The following ITGB3BP variants were observed in gnomAD, a reference collection of about 807,000 sequenced individuals.
The protein encoded by ITGB3BP is centromere protein R.
ITGB3BP carries 27 observed loss-of-function variants against 29.1 expected under a neutral mutation model. The observed-to-expected ratio is 0.93, with a 90% confidence interval of 0.68 to 1.28. The LOEUF is 1.28. Among genes scored for constraint, ITGB3BP ranks in the 50% most tolerant of loss-of-function variants. ITGB3BP has a pLI of 0.00. For synonymous variants in ITGB3BP, 61 were observed against 61.4 expected (o/e 0.99, Z 0.03); for missense variants, 192 against 200.2 (o/e 0.96, Z 0.25).
intron 4 of ITGB3BP, among the ~76,000 whole-genome samples, chr1:63,473,362 C>T (rs1248246726): frequency 1.1e-4 from 16 of 149,804 alleles, no homozygotes; most frequent in South Asian, 8.5e-4. Context: ...GTCAGCCCCC[C>T]GCCCGGCCAG....
At chr1:63,460,029 T>A (rs564667834) in intron 4 of ITGB3BP, among the ~76,000 whole-genome samples, 2 of 149,976 alleles carry the variant, frequency 1.3e-5, no homozygotes, top group Non-Finnish European at 3.0e-5. Flanking sequence ...AAAAAAAAAT[T>A]CCCCCCCGTG....
intron 2 of ITGB3BP, among the ~76,000 whole-genome samples, chr1:63,501,070 G>A (rs1200326418): frequency 6.6e-6 from 1 of 152,144 alleles, no homozygotes; most frequent in African/African-American, 2.4e-5. Flanking sequence ...AAAAATAGTC[G>A]TTTCAGCAAA....
In ITGB3BP at chr1:63,518,193, T is replaced by C. The variant is rs539380224; in HGVS notation, c.5+4936A>G. Among the ~76,000 whole-genome samples, 3 of 152,314 alleles carry C rather than the reference T, an allele frequency of 2.0e-5. No homozygotes were observed. The South Asian group carries it at 6.2e-4, about 32-fold the overall frequency. On this transcript the variant is annotated intron_variant, in intron 1 of 8. Transcript: ENST00000271002. ...TGAGAAGTTGCCTCCTATTCCTAGT[T>C]TGCTGAGGGTTTTATTTTCTCACGA...
intron 2 of ITGB3BP, among the ~76,000 whole-genome samples, chr1:63,493,766 C>T (rs1187871365): frequency 6.6e-6 from 1 of 152,154 alleles, no homozygotes; most frequent in Non-Finnish European, 1.5e-5. Context: ...AAAGTGCCTA[C>T]ATTTTACTGA....
chr1:63,478,896 G>A, intron 3 of ITGB3BP, 63 bp from the exon 4 acceptor site: 1 of 588,672 alleles, frequency 1.7e-6, no homozygotes, highest in Non-Finnish European at 2.8e-6. Flanking sequence ...ATTTTAAATA[G>A]AATTTAGTTT....
At chr1:63,484,256 G>C (rs78741543) in intron 3 of ITGB3BP, among the ~76,000 whole-genome samples, 3,251 of 151,868 alleles carry the variant, frequency 0.021, 124 homozygotes, top group African/African-American at 0.074. Context: ...AAGTATATAG[G>C]AGGGTGTATT....
chr1:63,448,157 C>T (rs1220729607), intron 7 of ITGB3BP, among the ~76,000 whole-genome samples: 9 of 116,794 alleles, frequency 7.7e-5, no homozygotes, highest in Admixed American at 2.4e-4. Context: ...GGAAGGGGAA[C>T]ATCACACTCT....
At chr1:63,511,310 A>G (rs1319000863) in intron 1 of ITGB3BP, among the ~76,000 whole-genome samples, 1 of 152,152 alleles carries the variant, frequency 6.6e-6, no homozygotes, top group Non-Finnish European at 1.5e-5. Flanking sequence ...GTTGGTGAGG[A>G]TGTAGAGAAA....
rs1049999430 is a variant in ITGB3BP, at chr1:63,515,697, A to G, written c.6-7127T>C. On this transcript the variant is annotated intron_variant, in intron 1 of 8. Coordinates refer to ENST00000271002, the MANE Select transcript of ITGB3BP (RefSeq NM_014288.5). ...AAAAATTAGCCAGGCATGGTGGTGC[A>G]TGCTTGTAGTCCCAGCTACTCAGGA... 3.3e-5 allele frequency among the ~76,000 whole-genome samples: 5 copies of G among 151,536 alleles called. No individual in the cohort carries two copies. The East Asian group carries it at 7.8e-4, about 24-fold the overall frequency.
At chr1:63,507,349 C>CA (rs1557651377) in intron 2 of ITGB3BP, among the ~76,000 whole-genome samples, 1 of 152,188 alleles carries the variant, frequency 6.6e-6, no homozygotes, top group Non-Finnish European at 1.5e-5. Flanking sequence ...GCTACCTTGA[C>CA]ACATCTTCAT....
chr1:63,460,339 CCTTT>C (rs1301186967), intron 4 of ITGB3BP, among the ~76,000 whole-genome samples: 1 of 152,184 alleles, frequency 6.6e-6, no homozygotes, highest in African/African-American at 2.4e-5. Context: ...CCTTTAATCT[CCTTT>C]CTATCTCTTT....
At chr1:63,494,331 T>C (rs889779337) in intron 2 of ITGB3BP, among the ~76,000 whole-genome samples, 22 of 152,110 alleles carry the variant, frequency 1.4e-4, no homozygotes, top group African/African-American at 5.3e-4. Context: ...GTTCACCAGG[T>C]TGGTCTCCAA....
At chr1:63,523,434 C>T, upstream of ITGB3BP, 1 of 483,838 alleles carries the variant, frequency 2.1e-6, no homozygotes, top group Non-Finnish European at 3.8e-6. Context: ...ACACAGCTGT[C>T]TCTGTGCGCT....
At position 63,478,785 on chromosome 1, in the gene ITGB3BP, G is replaced by T; in HGVS notation, c.233C>A (p.Ser78Tyr). Residue 78 changes from serine (S) to tyrosine (Y), a missense_variant, in exon 4 of 9, where the codon TCT (serine) becomes TAT (tyrosine). Physicochemically the swap from Ser to Tyr is moderately radical, Grantham distance 144 (BLOSUM62 -2). Coordinates refer to ENST00000271002, the MANE Select transcript of ITGB3BP (RefSeq NM_014288.5). ...TTACTCATCATTGTCTTTTGTTGTAGATTCTTTGCTTTCAGTTAAACTGGG... is the reference window on the plus strand; with the variant it reads ...TTACTCATCATTGTCTTTTGTTGTATATTCTTTGCTTTCAGTTAAACTGGG... ...NHPSLTESKE[S>Y]TTKDNDEFMM... The T allele has an allele frequency of 6.8e-7, 1 of 1,462,380 alleles. No individual in the cohort carries two copies. The highest frequency in any genetic ancestry group is 1.3e-5 in the South Asian group (1 of 75,948). The allele number at this position is 1,462,380 out of a possible 1,614,324, so 90.6% of individuals were successfully genotyped here. A position where few individuals can be genotyped will look rare whatever the true frequency, so the allele number is the denominator to read the frequency against.
At chr1:63,468,284 G>A (rs1557620154) in intron 4 of ITGB3BP, among the ~76,000 whole-genome samples, 1 of 152,172 alleles carries the variant, frequency 6.6e-6, no homozygotes, top group African/African-American at 2.4e-5. Context: ...GTAGGGTCAT[G>A]TAAGACTTTG....
At chr1:63,522,231 T>C (rs1310319072) in intron 1 of ITGB3BP, among the ~76,000 whole-genome samples, 2 of 152,234 alleles carry the variant, frequency 1.3e-5, no homozygotes, top group African/African-American at 4.8e-5. Context: ...AATTCAAGAT[T>C]CAATAAATAT....
At chr1:63,491,321 C>T (rs568638089) in intron 2 of ITGB3BP, among the ~76,000 whole-genome samples, 47 of 152,152 alleles carry the variant, frequency 3.1e-4, no homozygotes, top group Non-Finnish European at 5.7e-4. Context: ...GAGTATCTAC[C>T]AAAAGTTAGA....
intron 1 of ITGB3BP, among the ~76,000 whole-genome samples, chr1:63,509,812 A>G (rs1289213195): frequency 6.6e-6 from 1 of 152,232 alleles, no homozygotes; most frequent in Non-Finnish European, 1.5e-5. Context: ...TAAAATGCAG[A>G]TAATTTTTTA....
chr1:63,455,476 CCT>C (rs983842719), intron 4 of ITGB3BP, among the ~76,000 whole-genome samples: 5 of 151,460 alleles, frequency 3.3e-5, no homozygotes, highest in East Asian at 1.9e-4. Context: ...ATGGGGTTTA[CCT>C]CTGTTACCCA....
Sources: allele counts gnomAD v4.1 joint callset (sites outside exome capture counted in the v4.1 genomes callset), GRCh38; gene constraint gnomAD v4.1.1; transcripts MANE v1.5; gene names NCBI Gene and HGNC (gene_info 2026-07-23, HGNC 2026-07-21).